The following ADAMTS12 variants were observed in gnomAD, a reference collection of about 807,000 sequenced individuals.
The protein encoded by ADAMTS12 is A disintegrin and metalloproteinase with thrombospondin motifs 12.
In ADAMTS12, 118 loss-of-function variants were observed where a neutral mutation model predicts 167.8. The observed-to-expected ratio is 0.70, with a 90% CI of 0.61 to 0.82. ADAMTS12 has a LOEUF of 0.82. ADAMTS12 is among the 40% of genes least tolerant of loss of function. The pLI is 0.00. For synonymous variants in ADAMTS12, 704 were observed against 716.9 expected (o/e 0.98, Z 0.29); for missense variants, 1,916 against 1,998.8 (o/e 0.96, Z 0.79).
chr5:33,797,657 T>C (rs1402120567), intron 2 of ADAMTS12, among the ~76,000 whole-genome samples: 1 of 152,174 alleles, frequency 6.6e-6, no homozygotes, highest in East Asian at 1.9e-4. Flanking sequence ...TAAAATATGA[T>C]AAATAATACC....
chr5:33,656,303 T>G (rs1002729442), intron 7 of ADAMTS12, among the ~76,000 whole-genome samples: 3 of 152,170 alleles, frequency 2.0e-5, no homozygotes, highest in African/African-American at 7.2e-5. Context: ...GGAGAAATTG[T>G]GCCCAAGTAA....
intron 12 of ADAMTS12, among the ~76,000 whole-genome samples, chr5:33,636,858 G>C (rs1296693399): frequency 6.6e-6 from 1 of 152,148 alleles, no homozygotes; most frequent in Non-Finnish European, 1.5e-5. Context: ...ATTTTAAGGA[G>C]AGAATGTGTC....
chr5:33,740,352 C>T (rs777100432), intron 3 of ADAMTS12, among the ~76,000 whole-genome samples: 2 of 152,150 alleles, frequency 1.3e-5, no homozygotes, highest in South Asian at 2.1e-4. Context: ...ACTCTAATCC[C>T]GGGGCCAGCT....
At chr5:33,756,167 T>G (rs992797913) in intron 2 of ADAMTS12, among the ~76,000 whole-genome samples, 1 of 152,192 alleles carries the variant, frequency 6.6e-6, no homozygotes, top group Non-Finnish European at 1.5e-5. Context: ...CAGGGTAATT[T>G]TATGCTGAAA....
chr5:33,690,631 G>C (rs1742516028), intron 3 of ADAMTS12, among the ~76,000 whole-genome samples: 1 of 152,072 alleles, frequency 6.6e-6, no homozygotes, highest in African/African-American at 2.4e-5. Context: ...TAAGTAAAAA[G>C]GATGTTTGAA....
chr5:33,611,871 T>C (rs193123882), intron 16 of ADAMTS12, among the ~76,000 whole-genome samples: 2 of 152,306 alleles, frequency 1.3e-5, no homozygotes, highest in Admixed American at 1.3e-4. Context: ...TATATACATC[T>C]ATGATTAGAA....
At chr5:33,871,853 T>C (rs1043565724) in intron 2 of ADAMTS12, among the ~76,000 whole-genome samples, 1 of 152,038 alleles carries the variant, frequency 6.6e-6, no homozygotes, top group Non-Finnish European at 1.5e-5. Context: ...TCTATGGCAA[T>C]GTGAGAATGA....
chr5:33,772,753 G>C (rs532170974), intron 2 of ADAMTS12, among the ~76,000 whole-genome samples: 1 of 152,154 alleles, frequency 6.6e-6, no homozygotes, highest in East Asian at 1.9e-4. Flanking sequence ...ATGAGTTTTC[G>C]TTGGATTTAA....
intron 21 of ADAMTS12, 90 bp from the exon 22 acceptor site, chr5:33,546,292 T>C: frequency 1.6e-6 from 2 of 1,272,740 alleles, no homozygotes; most frequent in Admixed American, 2.8e-5. Context: ...ATTTTTGTTA[T>C]GTACAGTGTT....
intron 2 of ADAMTS12, among the ~76,000 whole-genome samples, chr5:33,789,755 A>C (rs971373681): frequency 3.3e-5 from 5 of 152,178 alleles, no homozygotes; most frequent in Admixed American, 1.3e-4. Flanking sequence ...TCCCTGACAA[A>C]TGAACAAACA....
At chr5:33,543,416 G>A (rs568073973) in intron 22 of ADAMTS12, among the ~76,000 whole-genome samples, 2 of 152,134 alleles carry the variant, frequency 1.3e-5, no homozygotes, top group South Asian at 2.1e-4. Context: ...GGATTCACAC[G>A]CGAATTCTAC....
At chr5:33,741,568 A>G (rs1395260506) in intron 3 of ADAMTS12, among the ~76,000 whole-genome samples, 3 of 152,186 alleles carry the variant, frequency 2.0e-5, no homozygotes, top group African/African-American at 7.2e-5. Flanking sequence ...CATAATGGAC[A>G]CCACTTCTCA....
chr5:33,730,289 G>GGGGTGTGTGTGTGTGT (rs1554038433), intron 3 of ADAMTS12, among the ~76,000 whole-genome samples: 3 of 144,152 alleles, frequency 2.1e-5, no homozygotes, highest in Admixed American at 6.9e-5. Flanking sequence ...AGTCCATTAG[G>GGGGTGTGTGTGTGTGT]GTGTGTGTGT....
intron 23 of ADAMTS12, 35 bp downstream of exon 23, chr5:33,534,798 G>C (rs117277937): frequency 6.3e-7 from 1 of 1,584,342 alleles, no homozygotes; most frequent in Non-Finnish European, 8.6e-7. Context: ...TTTGTGCAAA[G>C]ATCTCTTTCT....
chr5:33,873,452 G>A (rs1294606423), intron 2 of ADAMTS12, among the ~76,000 whole-genome samples: 1 of 152,146 alleles, frequency 6.6e-6, no homozygotes, highest in Non-Finnish European at 1.5e-5. Context: ...CCATGCTAAT[G>A]GATAGGAAGA....
At chr5:33,667,780 C>A (rs1432572220) in intron 5 of ADAMTS12, among the ~76,000 whole-genome samples, 1 of 152,186 alleles carries the variant, frequency 6.6e-6, no homozygotes, top group African/African-American at 2.4e-5. Flanking sequence ...TGACAGCTGT[C>A]ATTTGAACTG....
chr5:33,824,409 T>A (rs780833277), intron 2 of ADAMTS12, among the ~76,000 whole-genome samples: 2 of 152,182 alleles, frequency 1.3e-5, no homozygotes, highest in Non-Finnish European at 1.5e-5. Flanking sequence ...GATCATTTGG[T>A]CAGTTCATTT....
intron 7 of ADAMTS12, among the ~76,000 whole-genome samples, chr5:33,655,984 T>C (rs958201673): frequency 6.6e-6 from 1 of 152,176 alleles, no homozygotes; most frequent in Non-Finnish European, 1.5e-5. Flanking sequence ...TCTCTAGTTC[T>C]GCCTTCAGTG....
Position 33,605,746 on chromosome 5 carries a change from A to G in ADAMTS12, c.2527+8492T>C, listed in dbSNP as rs4431349. On this transcript the variant is annotated intron_variant, in intron 16 of 23. Transcript: ENST00000504830. Reference sequence around the variant, plus strand: ...TAATCAATGAGTAGTATTTAAATAGATAATTACTAATAATTTTCTGGCACT... The same window carrying G: ...TAATCAATGAGTAGTATTTAAATAGGTAATTACTAATAATTTTCTGGCACT... Among the ~76,000 whole-genome samples, 1,282 of 152,176 alleles carry G rather than the reference A, an allele frequency of 8.4e-3. 18 individuals carry two copies. Among genetic ancestry groups the G allele is most frequent in the African/African-American group, 0.029 (1,206 of 41,412 alleles).
Sources: gnomAD v4.1 joint callset for allele counts (sites outside exome capture counted in the v4.1 genomes callset) on GRCh38, gnomAD v4.1.1 for gene constraint, MANE v1.5 for transcripts, NCBI Gene and HGNC (gene_info 2026-07-23, HGNC 2026-07-21) for gene names.